PDZD9: variants seen among roughly 807,000 people sequenced by gnomAD.
PDZD9 encodes the protein PDZ domain-containing protein 9.
In PDZD9, 13 loss-of-function variants were observed where a neutral mutation model predicts 16.3. That is an observed-to-expected ratio of 0.80 (90% confidence interval 0.52 to 1.27). The LOEUF (loss-of-function observed/expected upper bound fraction) is 1.27, where lower values mean the gene tolerates loss of function less well. Among genes scored for constraint, PDZD9 ranks in the 50% most tolerant of loss-of-function variants. The pLI is 0.00. For synonymous variants in PDZD9, 120 were observed against 111.0 expected (o/e 1.08, Z -0.51); for missense variants, 288 against 310.9 (o/e 0.93, Z 0.55).
the PDZD9 span, among the ~76,000 whole-genome samples, chr16:21,963,584 C>G: frequency 1.3e-5 from 2 of 152,052 alleles, no homozygotes; most frequent in African/African-American, 2.4e-5. Context: ...CTACCTCAGC[C>G]TCCTGAGTAG....
rs969020438 is a variant in PDZD9, at chr16:21,993,928, C to G, written c.211+2394G>C. On this transcript the variant is annotated intron_variant, in intron 2 of 3. Coordinates refer to ENST00000424898, the MANE Select transcript of PDZD9 (RefSeq NM_001363519.1). ...CTGTAATCCCAGTACTTTTGGAGGC[C>G]ACATGGGAGGATTGCTTGAGGCCAG... is the stretch of plus-strand genomic sequence containing the variant. 3.3e-5 allele frequency among the ~76,000 whole-genome samples: 5 copies of G among 152,238 alleles called. No homozygotes were observed. The South Asian group carries it at 8.3e-4, about 25-fold the overall frequency.
the PDZD9 span, chr16:21,963,023 CTG>C: frequency 2.6e-6 from 3 of 1,168,534 alleles, no homozygotes; most frequent in Non-Finnish European, 3.4e-6. Flanking sequence ...GAGTCTCACT[CTG>C]TCACCCAGGC....
At chr16:21,991,067 A>G (rs1402859444) in intron 2 of PDZD9, among the ~76,000 whole-genome samples, 3 of 152,030 alleles carry the variant, frequency 2.0e-5, no homozygotes, top group Non-Finnish European at 4.4e-5. Context: ...ATCTCTCCCA[A>G]CTAGGCTGGA....
In PDZD9 at chr16:21,996,437, T is replaced by A. The variant is rs747607457; in HGVS notation, c.96A>T (p.Lys32Asn). The A allele has an allele frequency of 6.5e-7, 1 of 1,536,020 alleles. No homozygotes were observed. Among genetic ancestry groups the A allele is most frequent in the Admixed American group, 2.0e-5 (1 of 50,992 alleles). The change falls in exon 2 of 4, where the codon AAA (lysine) becomes AAT (asparagine). Residue 32 changes from lysine to asparagine, a missense_variant. Physicochemically the swap from Lys to Asn is moderately conservative, Grantham distance 94. Transcript: ENST00000424898. Reference sequence around the variant, plus strand: ...CTAATCCCAGGCTACCCACAGTGAGTTTGGTCTGCTGTGTTTTGCTCAAGT... The same window carrying A: ...CTAATCCCAGGCTACCCACAGTGAGATTGGTCTGCTGTGTTTTGCTCAAGT... ...VHNLSKTQQT[K>N]LTVGSLGLGL...
At chr16:21,980,667 G>A, downstream of PDZD9, 2 of 1,614,152 alleles carry the variant, frequency 1.2e-6, no homozygotes, top group Non-Finnish European at 1.7e-6. Context: ...TCCTTCAGCA[G>A]ATTGATTCAG....
chr16:21,958,640 AAATATTC>A, the PDZD9 span: 5 of 1,557,276 alleles, frequency 3.2e-6, no homozygotes, highest in Non-Finnish European at 4.4e-6. Context: ...AAATGCCAGA[AAATATTC>A]AATTTTAAGG....
At chr16:21,963,191 T>C in the PDZD9 span, 1 of 199,726 alleles carries the variant, frequency 5.0e-6, no homozygotes, top group Non-Finnish European at 1.0e-5. Flanking sequence ...GGTTTTGCCA[T>C]GTTGGTCAGA....
rs1397659800 is a variant in PDZD9 at position 21,996,355 on chromosome 16, C to T, written c.178G>A (p.Gly60Arg). 22 of 1,535,976 alleles carry T rather than the reference C, an allele frequency of 1.4e-5. No homozygotes were observed. Among genetic ancestry groups the T allele is most frequent in the South Asian group, 1.1e-4 (9 of 84,048 alleles). The change falls in exon 2 of 4, where the codon GGG (glycine) becomes AGG (arginine). Residue 60 changes from glycine to arginine, a missense_variant. By Grantham distance (125) the Gly-to-Arg change is moderately radical (BLOSUM62 -2). Coordinates refer to ENST00000424898, the MANE Select transcript of PDZD9 (RefSeq NM_001363519.1). ...AGTTTCCCGTCGTTGGCTGCAGCCC[C>T]CTTCCTGATGAGGTGGGTGATCTGG... ...YLQITHLIRK[G>R]AAANDGKLQP... is the part of the protein sequence containing the mutation.
chr16:21,958,443 T>C, the PDZD9 span: 2 of 1,136,660 alleles, frequency 1.8e-6, no homozygotes, highest in African/African-American at 3.1e-5. Context: ...AAATTCTTTT[T>C]AAATCTGCTC....
the PDZD9 span, chr16:21,973,844 G>A: frequency 6.5e-7 from 1 of 1,533,736 alleles, no homozygotes; most frequent in Admixed American, 1.9e-5. Flanking sequence ...AAGAAATCGT[G>A]CCCTGTTTTA....
At chr16:21,992,382 T>A (rs1433450789) in intron 2 of PDZD9, among the ~76,000 whole-genome samples, 1 of 152,206 alleles carries the variant, frequency 6.6e-6, no homozygotes, top group Non-Finnish European at 1.5e-5. Flanking sequence ...CGGTTAATAT[T>A]GTCAACTTGA....
chr16:21,996,638 A>AT, intron 1 of PDZD9, 137 bp from the exon 2 acceptor site: 1 of 906,570 alleles, frequency 1.1e-6, no homozygotes, highest in Non-Finnish European at 1.6e-6. Flanking sequence ...TAAAATGAGG[A>AT]TAAAAATGTT....
At chr16:21,971,612 AC>A in the PDZD9 span, 2 of 1,613,944 alleles carry the variant, frequency 1.2e-6, no homozygotes, top group African/African-American at 2.7e-5. Context: ...AAGGCCAACT[AC>A]CGTGGAGGTA....
the PDZD9 span, among the ~76,000 whole-genome samples, chr16:21,961,648 A>C: frequency 6.6e-4 from 67 of 101,870 alleles, 3 homozygotes; most frequent in Middle Eastern, 0.026. Context: ...ATATATATAT[A>C]TATATATATA....
At chr16:21,984,782 C>G (rs1421931171) in intron 3 of PDZD9, 122 bp from the exon 4 acceptor site, 2 of 636,736 alleles carry the variant, frequency 3.1e-6, no homozygotes, top group Non-Finnish European at 4.7e-6. Context: ...TTAGCATTAC[C>G]TTTCTGTGTC....
the PDZD9 span, among the ~76,000 whole-genome samples, chr16:21,967,289 T>G: frequency 6.6e-6 from 1 of 152,200 alleles, no homozygotes; most frequent in Non-Finnish European, 1.5e-5. Context: ...AAGTTCAGTT[T>G]CATTACTTTA....
At chr16:21,964,507 C>G in the PDZD9 span, among the ~76,000 whole-genome samples, 1 of 152,248 alleles carries the variant, frequency 6.6e-6, no homozygotes, top group Middle Eastern at 3.4e-3. Flanking sequence ...TTACTTTATG[C>G]TCTACCCTCT....
At chr16:21,968,759 A>G in the PDZD9 span, 7 of 1,368,398 alleles carry the variant, frequency 5.1e-6, no homozygotes, top group East Asian at 5.0e-5. Context: ...TTACGTGAAC[A>G]TAGGATTGAA....
At chr16:21,968,509 A>C in the PDZD9 span, 6 of 808,180 alleles carry the variant, frequency 7.4e-6, no homozygotes, top group East Asian at 2.9e-5. Flanking sequence ...CTTGTAGTTC[A>C]TTACAGCAAC....
Sources: gnomAD v4.1 joint callset for allele counts (sites outside exome capture counted in the v4.1 genomes callset) on GRCh38, gnomAD v4.1.1 for gene constraint, MANE v1.5 for transcripts, NCBI Gene and HGNC (gene_info 2026-07-23, HGNC 2026-07-21) for gene names.